FAM110B: variants seen among roughly 807,000 people sequenced by gnomAD.
FAM110B encodes the protein family with sequence similarity 110 member B, also known as protein FAM110B.
In FAM110B, 6 loss-of-function variants were observed where a neutral mutation model predicts 20.4. The ratio of observed to expected loss-of-function variants is 0.29; its 90% confidence interval spans 0.16 to 0.58. FAM110B has a LOEUF of 0.58. Among genes scored for constraint, FAM110B ranks in the 20% least tolerant of loss-of-function variants. The probability of loss-of-function intolerance (pLI) is 0.90; values close to 1 mark genes in which losing one functional copy is unlikely to be tolerated. For synonymous variants in FAM110B, 226 were observed against 214.1 expected (o/e 1.06, Z -0.49); for missense variants, 434 against 498.2 (o/e 0.87, Z 1.23).
chr8:58,014,930 A>C (rs1804607992), intron 1 of FAM110B, among the ~76,000 whole-genome samples: 1 of 152,244 alleles, frequency 6.6e-6, no homozygotes, highest in Admixed American at 6.5e-5. Context: ...TTAGGCCATG[A>C]AAATGTACTT....
chr8:58,146,537 A>C lies in FAM110B; in HGVS notation c.307A>C (p.Asn103His). The change falls in exon 4 of 4, where the codon AAC (asparagine) becomes CAC (histidine). Residue 103 changes from asparagine to histidine, a missense_variant. Coordinates refer to ENST00000519262, the MANE Select transcript of FAM110B (RefSeq NM_001377989.1). ...CAGCCCCACGCTCAAAGTGTTCGGCAACCACGCCAAGACCGAGAGCGGCGT... is the reference window on the plus strand; with the variant it reads ...CAGCCCCACGCTCAAAGTGTTCGGCCACCACGCCAAGACCGAGAGCGGCGT... ...LGSPTLKVFGNHAKTESGVQR... is the reference protein window; with the variant it reads ...LGSPTLKVFGHHAKTESGVQR... 1 of 1,614,008 alleles carries C rather than the reference A, an allele frequency of 6.2e-7. No individual in the cohort carries two copies. Among genetic ancestry groups the C allele is most frequent in the Non-Finnish European group, 8.5e-7 (1 of 1,179,944 alleles).
At chr8:58,142,898 G>A (rs141820163) in intron 3 of FAM110B, among the ~76,000 whole-genome samples, 162 of 152,314 alleles carry the variant, frequency 1.1e-3, no homozygotes, top group Non-Finnish European at 1.6e-3. Context: ...TCAGCCTGGC[G>A]GTTGGCCTAT....
intron 3 of FAM110B, among the ~76,000 whole-genome samples, chr8:58,124,805 T>C (rs1245343417): frequency 6.6e-6 from 1 of 152,228 alleles, no homozygotes; most frequent in Non-Finnish European, 1.5e-5. Context: ...ACTTAGGAAA[T>C]GTCAAATATG....
chr8:58,126,319 T>A (rs1807502286), intron 3 of FAM110B, among the ~76,000 whole-genome samples: 2 of 152,242 alleles, frequency 1.3e-5, no homozygotes, highest in Admixed American at 1.3e-4. Flanking sequence ...TTTTGGTTGC[T>A]TCTAGTTTGG....
chr8:58,097,001 A>C (rs1806649708), intron 3 of FAM110B, among the ~76,000 whole-genome samples: 1 of 152,108 alleles, frequency 6.6e-6, no homozygotes, highest in South Asian at 2.1e-4. Flanking sequence ...AACCTTGGTG[A>C]ATCTGACGAT....
intron 3 of FAM110B, among the ~76,000 whole-genome samples, chr8:58,083,487 A>G (rs534199532): frequency 5.3e-5 from 8 of 152,322 alleles, no homozygotes; most frequent in Non-Finnish European, 1.0e-4. Flanking sequence ...TAGTTTATTT[A>G]TTCATTTTTT....
chr8:58,001,976 G>C lies in FAM110B; in HGVS notation c.-512+7170G>C, dbSNP rs1451508911. 1.3e-5 allele frequency among the ~76,000 whole-genome samples: 2 copies of C among 152,144 alleles called. 1 individual carries two copies. Among genetic ancestry groups the C allele is most frequent in the African/African-American group, 4.8e-5 (2 of 41,422 alleles). On this transcript the variant is annotated intron_variant, in intron 1 of 3. Transcript: ENST00000519262. ...AGGAGAACCAATGGTATAAGTTCTA[G>C]TATAAGGTCAGGAAAATATAGATGT...
chr8:58,058,753 A>G (rs1805597733), intron 2 of FAM110B, among the ~76,000 whole-genome samples: 1 of 152,196 alleles, frequency 6.6e-6, no homozygotes, highest in African/African-American at 2.4e-5. Flanking sequence ...GGATGATCAA[A>G]TCAGTAATAA....
chr8:58,079,372 T>G (rs566184788), intron 3 of FAM110B, among the ~76,000 whole-genome samples: 1 of 152,314 alleles, frequency 6.6e-6, no homozygotes, highest in African/African-American at 2.4e-5. Flanking sequence ...TCTCTAAGGG[T>G]AGATCTAGGG....
At chr8:58,135,757 G>T (rs1252258242) in intron 3 of FAM110B, among the ~76,000 whole-genome samples, 1 of 152,036 alleles carries the variant, frequency 6.6e-6, no homozygotes, top group Non-Finnish European at 1.5e-5. Context: ...GTTCTGGTCT[G>T]GGCTCTCTCT....
intron 3 of FAM110B, among the ~76,000 whole-genome samples, chr8:58,100,396 A>G (rs1411239259): frequency 6.6e-6 from 1 of 152,166 alleles, no homozygotes; most frequent in Admixed American, 6.5e-5. Context: ...TTCCTATTGT[A>G]TAAGTTTTCT....
chr8:58,002,034 AAGAGAGAGACAG>A (rs1044765334), intron 1 of FAM110B, among the ~76,000 whole-genome samples: 3 of 151,708 alleles, frequency 2.0e-5, no homozygotes, highest in African/African-American at 7.3e-5. Flanking sequence ...GAGAGAGAGA[AAGAGAGAGACAG>A]AGAGAGAGAC....
chr8:57,995,531 G>T (rs1804167225), intron 1 of FAM110B, among the ~76,000 whole-genome samples: 1 of 152,154 alleles, frequency 6.6e-6, no homozygotes, highest in African/African-American at 2.4e-5. Context: ...GCCCATACAG[G>T]CTGTGGGAAG....
intron 1 of FAM110B, among the ~76,000 whole-genome samples, chr8:58,019,517 A>G (rs544088942): frequency 4.4e-4 from 67 of 151,828 alleles, no homozygotes; most frequent in South Asian, 8.3e-4. Flanking sequence ...AACTTTCTCT[A>G]TTGTTTATTA....
chr8:58,146,366 A>G lies in FAM110B; in HGVS notation c.136A>G (p.Lys46Glu). 6.2e-7 allele frequency: 1 copy of G among 1,614,050 alleles called. No individual in the cohort carries two copies. The highest frequency in any genetic ancestry group is 8.5e-7 in the Non-Finnish European group (1 of 1,179,980). ...CCGCAGGCAGGCCGAGCCCAACCCC[A>G]AGAGGCTCAGCGCCGTGGAGAGGCT... ...YFRRQAEPNP[K>E]RLSAVERLEA... Residue 46 changes from lysine (K) to glutamate (E), a missense_variant, in exon 4 of 4, where the codon AAG becomes GAG. Around this residue, in one of 3 missense-constraint regions of FAM110B, gnomAD observed 56 missense variants for 82.1 expected, o/e 0.68. Coordinates refer to ENST00000519262, the MANE Select transcript of FAM110B (RefSeq NM_001377989.1).
intron 3 of FAM110B, among the ~76,000 whole-genome samples, chr8:58,136,702 A>G (rs532672936): frequency 6.6e-6 from 1 of 152,314 alleles, no homozygotes; most frequent in South Asian, 2.1e-4. Flanking sequence ...CCCTCTTATA[A>G]TAACACATTC....
chr8:58,049,480 G>A (rs1480177886), intron 2 of FAM110B, among the ~76,000 whole-genome samples: 5 of 151,958 alleles, frequency 3.3e-5, no homozygotes, highest in Admixed American at 1.3e-4. Flanking sequence ...TAGGTCAGAT[G>A]TTTCTCATTA....
intron 3 of FAM110B, among the ~76,000 whole-genome samples, chr8:58,132,953 G>A (rs1240970635): frequency 6.6e-6 from 1 of 152,126 alleles, no homozygotes; most frequent in Non-Finnish European, 1.5e-5. Flanking sequence ...GTAAACAAGA[G>A]TGAGAAGCTT....
At position 58,030,879 on chromosome 8, in the gene FAM110B, G is replaced by C. The variant is rs775182745; in HGVS notation, c.-511-727G>C. Among the ~76,000 whole-genome samples, 30 of 152,152 alleles carry C rather than the reference G, an allele frequency of 2.0e-4. 1 individual carries two copies. Among genetic ancestry groups the C allele is most frequent in the Non-Finnish European group, 3.8e-4 (26 of 68,034 alleles). On this transcript the variant is annotated intron_variant, in intron 1 of 3. Transcript: ENST00000519262. ...TCATGACTCGTCCCAGTATCTCCAA[G>C]TGCAGCGAAAGCAGAACATGTCCAG...
Sources: gnomAD v4.1 joint callset for allele counts (sites outside exome capture counted in the v4.1 genomes callset) on GRCh38, gnomAD v4.1.1 for gene constraint, gnomAD v4.1.1 regional missense constraint, MANE v1.5 for transcripts, NCBI Gene and HGNC (gene_info 2026-07-23, HGNC 2026-07-21) for gene names.